ACSM1: variants seen among roughly 807,000 people sequenced by gnomAD.
The protein encoded by ACSM1 is acyl-CoA synthetase medium chain family member 1.
A neutral mutation model predicts 75.8 loss-of-function variants in ACSM1; 79 were observed. The observed-to-expected ratio is 1.04, with a 90% CI of 0.87 to 1.26. The LOEUF is 1.26. ACSM1 is among the 50% of genes most tolerant of loss of function. The pLI, the probability that ACSM1 is intolerant of heterozygous loss-of-function variation, is 0.00. For missense variants in ACSM1, 676 were observed against 720.1 expected, an observed-to-expected ratio of 0.94 and a Z score of 0.70; for synonymous variants, 279 against 265.8, an observed-to-expected ratio of 1.05 and a Z score of -0.48.
At chr16:20,689,904 C>T (rs28502691) in intron 2 of ACSM1, among the ~76,000 whole-genome samples, 64,821 of 152,090 alleles carry the variant, frequency 0.43, 16,357 homozygotes, top group Non-Finnish European at 0.58. Context: ...CCTGCTCTCC[C>T]ACTTATTAGA....
intron 6 of ACSM1, among the ~76,000 whole-genome samples, chr16:20,669,248 C>T (rs543989213): frequency 4.1e-4 from 62 of 152,064 alleles, no homozygotes; most frequent in Non-Finnish European, 2.6e-4. Context: ...TTACACATAT[C>T]GCCTCTATCA....
chr16:20,696,280 T>C (rs1011560206), intron 1 of ACSM1, among the ~76,000 whole-genome samples: 1 of 152,376 alleles, frequency 6.6e-6, no homozygotes, highest in East Asian at 1.9e-4. Flanking sequence ...TCTCTGTCTC[T>C]ATCTCTATCT....
chr16:20,629,626 A>G (rs1415468128), intron 10 of ACSM1, among the ~76,000 whole-genome samples: 1 of 152,224 alleles, frequency 6.6e-6, no homozygotes, highest in Non-Finnish European at 1.5e-5. Flanking sequence ...AATCCAAAGG[A>G]AGGAATTGGC....
At chr16:20,644,873 CTTAT>C (rs1383158355) in intron 7 of ACSM1, among the ~76,000 whole-genome samples, 2 of 152,178 alleles carry the variant, frequency 1.3e-5, no homozygotes, top group Non-Finnish European at 2.9e-5. Flanking sequence ...TGTGGCCTTC[CTTAT>C]GTCTAGTCCA....
intron 7 of ACSM1, among the ~76,000 whole-genome samples, chr16:20,641,697 CTT>C (rs2018072345): frequency 6.6e-6 from 1 of 152,222 alleles, no homozygotes; most frequent in Admixed American, 6.5e-5. Flanking sequence ...CTCAAACTGT[CTT>C]TTTCTCAATC....
At chr16:20,684,941 G>T (rs1048500230) in intron 3 of ACSM1, among the ~76,000 whole-genome samples, 1 of 152,168 alleles carries the variant, frequency 6.6e-6, no homozygotes, top group African/African-American at 2.4e-5. Flanking sequence ...AAGAGAATTT[G>T]TGAGGGAGTA....
At position 20,640,458 on chromosome 16, in the gene ACSM1, T is replaced by TA; in HGVS notation, c.1116+2dup. On this transcript the variant is annotated splice_region_variant and intron_variant, in intron 8 of 13. Coordinates refer to ENST00000520010, the MANE Select transcript of ACSM1 (RefSeq NM_001318890.3). ...CAGACACTTTCTGGTTTGCACCACC[T>TA]ACCGTTTCCGACTGCCCATAGTTCT... 6.2e-7 allele frequency: 1 copy of TA among 1,614,158 alleles called. No individual in the cohort carries two copies. Among genetic ancestry groups the TA allele is most frequent in the East Asian group, 2.2e-5 (1 of 44,882 alleles).
At chr16:20,660,613 C>T (rs1050680533) in intron 7 of ACSM1, among the ~76,000 whole-genome samples, 1 of 152,146 alleles carries the variant, frequency 6.6e-6, no homozygotes, top group Non-Finnish European at 1.5e-5. Flanking sequence ...CTTTGAAATA[C>T]AGATGGAAAC....
At chr16:20,628,267 T>G (rs530866996) in intron 10 of ACSM1, among the ~76,000 whole-genome samples, 3 of 152,162 alleles carry the variant, frequency 2.0e-5, no homozygotes, top group Non-Finnish European at 4.4e-5. Flanking sequence ...CTGACCTTGA[T>G]ACAATCCACC....
intron 4 of ACSM1, 154 bp downstream of exon 4, chr16:20,682,100 CTT>C (rs1017295475): frequency 7.3e-6 from 5 of 687,250 alleles, no homozygotes; most frequent in African/African-American, 7.2e-5. Flanking sequence ...TAACCTGACT[CTT>C]TGTTCAGGGC....
At chr16:20,669,732 G>T in intron 6 of ACSM1, 95 bp downstream of exon 6, 1 of 1,296,132 alleles carries the variant, frequency 7.7e-7, no homozygotes, top group Non-Finnish European at 1.1e-6. Context: ...AGGCTCATGG[G>T]CTTCTTTGCT....
At chr16:20,692,922 G>C (rs576255315) in intron 1 of ACSM1, among the ~76,000 whole-genome samples, 89 of 152,232 alleles carry the variant, frequency 5.8e-4, no homozygotes, top group Non-Finnish European at 1.0e-3. Flanking sequence ...TATAATCCCA[G>C]CCCTTTGGGA....
At chr16:20,682,105 T>C in intron 4 of ACSM1, 151 bp downstream of exon 4, 1 of 712,052 alleles carries the variant, frequency 1.4e-6, no homozygotes, top group Non-Finnish European at 2.3e-6. Context: ...TGACTCTTTG[T>C]TCAGGGCTCA....
chr16:20,687,183 T>C (rs2079569441), intron 2 of ACSM1, among the ~76,000 whole-genome samples: 2 of 151,996 alleles, frequency 1.3e-5, no homozygotes, highest in Non-Finnish European at 2.9e-5. Flanking sequence ...ATAGAAACCA[T>C]GGCATAATTT....
intron 4 of ACSM1, among the ~76,000 whole-genome samples, chr16:20,677,237 A>T (rs1294971153): frequency 6.6e-6 from 1 of 151,776 alleles, no homozygotes; most frequent in African/African-American, 2.4e-5. Flanking sequence ...AAAAAAAAAA[A>T]AAAAGCCTTG....
chr16:20,636,044 C>T (rs957055122), intron 10 of ACSM1, among the ~76,000 whole-genome samples: 1 of 152,142 alleles, frequency 6.6e-6, no homozygotes, highest in Non-Finnish European at 1.5e-5. Flanking sequence ...ACCATCGCTC[C>T]CTTGAAACCA....
intron 7 of ACSM1, among the ~76,000 whole-genome samples, chr16:20,644,146 C>T (rs2018227608): frequency 6.6e-6 from 1 of 152,202 alleles, no homozygotes; most frequent in South Asian, 2.1e-4. Context: ...CTCTCAAGAC[C>T]ACTGACAGCC....
intron 10 of ACSM1, among the ~76,000 whole-genome samples, chr16:20,628,179 G>A (rs2017110673): frequency 6.6e-6 from 1 of 151,828 alleles, no homozygotes; most frequent in Non-Finnish European, 1.5e-5. Context: ...AATGTGGATC[G>A]ATGCCCTGTA....
rs928120484 is a variant in ACSM1 at position 20,637,558 on chromosome 16, T to C, written c.1117-107A>G. 5.0e-6 allele frequency: 5 copies of C among 1,000,406 alleles called. No individual in the cohort carries two copies. In the African/African-American group the frequency reaches 7.9e-5, roughly 16 times the overall value. The allele number at this position is 1,000,406 out of a possible 1,614,324, so 62.0% of individuals were successfully genotyped here. A position where few individuals can be genotyped will look rare whatever the true frequency, so the allele number is the denominator to read the frequency against. ...TCTGCTCAGAGATGTAGTATTCCTC[T>C]CAATGGATGCTGCCCAAAGAGCCCT... On this transcript the variant is annotated intron_variant, in intron 8 of 13. Transcript: ENST00000520010.
Sources: allele counts gnomAD v4.1 joint callset (sites outside exome capture counted in the v4.1 genomes callset), GRCh38; gene constraint gnomAD v4.1.1; transcripts MANE v1.5; gene names NCBI Gene and HGNC (gene_info 2026-07-23, HGNC 2026-07-21).